The following KYNU variants were observed in gnomAD, a reference collection of about 807,000 sequenced individuals.
KYNU encodes the protein L-kynurenine hydrolase.
Under a neutral mutation model 59.2 loss-of-function variants are expected in KYNU, and 54 were observed. The ratio of observed to expected loss-of-function variants is 0.91; its 90% CI spans 0.73 to 1.14. The LOEUF (loss-of-function observed/expected upper bound fraction) is 1.14. KYNU is among the 50% of genes most tolerant of loss of function. KYNU has a pLI of 0.00. For missense variants in KYNU, 567 were observed against 554.4 expected, an observed-to-expected ratio of 1.02 and a Z score of -0.23; for synonymous variants, 177 against 192.0, an observed-to-expected ratio of 0.92 and a Z score of 0.65.
Position 143,042,385 on chromosome 2 carries a change from C to A in KYNU, c.*213C>A. ...GCCTAGGTGCTTTGTGTTTGGGGGA[C>A]CAAAACTGTGTTGGTTCAAGTATTA... On this transcript the variant is annotated 3_prime_UTR_variant, in exon 14 of 14. Transcript: ENST00000264170. 4.1e-6 allele frequency: 2 copies of A among 489,232 alleles called. No individual in the cohort carries two copies. The highest frequency in any genetic ancestry group is 7.3e-6 in the Non-Finnish European group (2 of 273,116). 30.3% of individuals were successfully genotyped at this position (489,232 alleles called of 1,614,324 possible). A position where few individuals can be genotyped will look rare whatever the true frequency, so the allele number is the denominator to read the frequency against.
At chr2:143,026,753 G>C (rs539770230) in intron 10 of KYNU, among the ~76,000 whole-genome samples, 1 of 65,364 alleles carries the variant, frequency 1.5e-5, no homozygotes, top group African/African-American at 1.0e-4. Context: ...GCAGTCCGCA[G>C]TCCGCAGTCC....
Position 142,960,786 on chromosome 2 carries a change from A to G in KYNU, c.729+16A>G. The G allele has an allele frequency of 6.2e-7, 1 of 1,612,848 alleles. No individual in the cohort carries two copies. Among genetic ancestry groups the G allele is most frequent in the African/African-American group, 1.3e-5 (1 of 74,888 alleles). On this transcript the variant is annotated intron_variant, in intron 8 of 13. Coordinates refer to ENST00000264170, the MANE Select transcript of KYNU (RefSeq NM_003937.3). Reference sequence around the variant, plus strand: ...ACAAGCGAAGGTATGCACGCCATTTACTTCTTCCCACCTTACTCCAAACAT... The same window carrying G: ...ACAAGCGAAGGTATGCACGCCATTTGCTTCTTCCCACCTTACTCCAAACAT...
intron 10 of KYNU, among the ~76,000 whole-genome samples, chr2:143,007,058 A>G (rs931331669): frequency 4.9e-4 from 74 of 152,272 alleles, no homozygotes; most frequent in African/African-American, 1.8e-3. Flanking sequence ...CTGGATGGAG[A>G]ATGACTTTGA....
At chr2:142,894,540 A>G (rs980875411) in intron 2 of KYNU, among the ~76,000 whole-genome samples, 8 of 152,194 alleles carry the variant, frequency 5.3e-5, no homozygotes, top group African/African-American at 1.4e-4. Context: ...ATCAAGAAAC[A>G]TAACATTGCC....
intron 2 of KYNU, 24 bp downstream of exon 2, chr2:142,885,560 A>T (rs1022047404): frequency 6.9e-6 from 11 of 1,585,246 alleles, no homozygotes; most frequent in Non-Finnish European, 9.5e-6. Context: ...GAAGGTTTTT[A>T]AATTTTATTT....
At chr2:143,041,478 A>G (rs1687059119) in intron 13 of KYNU, among the ~76,000 whole-genome samples, 2 of 152,028 alleles carry the variant, frequency 1.3e-5, no homozygotes, top group Non-Finnish European at 2.9e-5. Flanking sequence ...TTGTGATTGG[A>G]TTGAAATGGG....
chr2:142,973,823 C>A (rs1684810268), intron 8 of KYNU, among the ~76,000 whole-genome samples: 1 of 152,124 alleles, frequency 6.6e-6, no homozygotes, highest in African/African-American at 2.4e-5. Context: ...AAAAATCCCA[C>A]CATCTCTGTC....
intron 8 of KYNU, among the ~76,000 whole-genome samples, chr2:142,962,334 A>G (rs1008738612): frequency 6.6e-6 from 1 of 152,188 alleles, no homozygotes; most frequent in African/African-American, 2.4e-5. Flanking sequence ...TAAAAGTGCT[A>G]ATTTAACATA....
chr2:142,990,976 C>T (rs776643410), intron 10 of KYNU, among the ~76,000 whole-genome samples: 1 of 151,804 alleles, frequency 6.6e-6, no homozygotes, highest in African/African-American at 2.4e-5. Flanking sequence ...AGAGTTGTTA[C>T]TATTTGGCAA....
At chr2:142,955,706 T>G (rs1196648619) in intron 5 of KYNU, among the ~76,000 whole-genome samples, 2 of 152,050 alleles carry the variant, frequency 1.3e-5, no homozygotes, top group African/African-American at 4.8e-5. Flanking sequence ...GTAGCTATCA[T>G]CTTCGTTGTT....
chr2:142,934,080 A>G (rs865923087), intron 4 of KYNU, among the ~76,000 whole-genome samples: 24 of 152,192 alleles, frequency 1.6e-4, no homozygotes, highest in African/African-American at 5.6e-4. Flanking sequence ...TTAAGCGATA[A>G]GTTTCATCTG....
rs1321594838 is a variant in KYNU at position 143,043,626 on chromosome 2, A to G, written c.*1454A>G. Reference sequence around the variant, plus strand: ...ATCTCCCTTAATTGAGTGGCTACATACTGCTTTAGCAAATCTTCCTACTGT... The same window carrying G: ...ATCTCCCTTAATTGAGTGGCTACATGCTGCTTTAGCAAATCTTCCTACTGT... On this transcript the variant is annotated 3_prime_UTR_variant, in exon 14 of 14. Transcript: ENST00000264170. The G allele has an allele frequency of 6.6e-6, 1 of 151,340 alleles. No individual in the cohort carries two copies. Among genetic ancestry groups the G allele is most frequent in the African/African-American group, 2.4e-5 (1 of 41,282 alleles). The allele number at this position is 151,340 out of a possible 1,614,324, so 9.4% of individuals were successfully genotyped here.
intron 2 of KYNU, among the ~76,000 whole-genome samples, chr2:142,914,711 A>G (rs1052877774): frequency 2.0e-5 from 3 of 152,134 alleles, no homozygotes; most frequent in African/African-American, 7.2e-5. Context: ...CTTTGATGTT[A>G]TTATTGTCAT....
rs1684047393 is a variant in KYNU at position 142,953,197 on chromosome 2, C to A, written c.374-1613C>A. On this transcript the variant is annotated intron_variant, in intron 4 of 13. Transcript: ENST00000264170. ...GTCATGATGTCCTGGCAATTGACAA[C>A]AACAAGATTAGATAGTGAATCCCCC... 1.3e-5 allele frequency among the ~76,000 whole-genome samples: 2 copies of A among 152,114 alleles called. 1 individual carries two copies. The highest frequency in any genetic ancestry group is 2.9e-5 in the Non-Finnish European group (2 of 68,036).
intron 10 of KYNU, among the ~76,000 whole-genome samples, chr2:142,998,034 G>T (rs1271457860): frequency 2.6e-5 from 4 of 152,030 alleles, no homozygotes; most frequent in Non-Finnish European, 5.9e-5. Flanking sequence ...TGGAATTTAT[G>T]ATGTTCAAAG....
intron 7 of KYNU, among the ~76,000 whole-genome samples, chr2:142,958,528 C>T (rs1280112786): frequency 1.3e-5 from 2 of 152,182 alleles, no homozygotes; most frequent in East Asian, 3.8e-4. Context: ...CCCAGAATTA[C>T]TTTGAATAAA....
intron 8 of KYNU, among the ~76,000 whole-genome samples, chr2:142,978,319 A>G (rs950109023): frequency 1.3e-5 from 2 of 152,142 alleles, no homozygotes; most frequent in African/African-American, 4.8e-5. Context: ...AAAAAGTAAT[A>G]TTGTCCAAAT....
intron 11 of KYNU, among the ~76,000 whole-genome samples, chr2:143,031,543 G>A (rs1417529282): frequency 6.6e-6 from 1 of 151,494 alleles, no homozygotes; most frequent in African/African-American, 2.4e-5. Flanking sequence ...GGGTGACATA[G>A]TGAGACCTTG....
intron 1 of KYNU, among the ~76,000 whole-genome samples, chr2:142,884,525 G>A (rs1404073105): frequency 6.6e-6 from 1 of 152,000 alleles, no homozygotes; most frequent in Non-Finnish European, 1.5e-5. Context: ...AGGAAAAGGT[G>A]ATGACATTAT....
Sources: gnomAD v4.1 joint callset for allele counts (sites outside exome capture counted in the v4.1 genomes callset) on GRCh38, gnomAD v4.1.1 for gene constraint, MANE v1.5 for transcripts, NCBI Gene and HGNC (gene_info 2026-07-23, HGNC 2026-07-21) for gene names.